Variants in ZCCHC24 observed in about 807,000 individuals in gnomAD.
ZCCHC24 encodes the protein zinc finger CCHC-type containing 24.
A neutral mutation model predicts 26.2 loss-of-function variants in ZCCHC24; 10 were observed. That is an observed-to-expected ratio of 0.38 (90% confidence interval 0.24 to 0.65). The LOEUF is 0.65. Among genes scored for constraint, ZCCHC24 ranks in the 30% least tolerant of loss-of-function variants. ZCCHC24 has a pLI of 0.54. For synonymous variants in ZCCHC24, 144 were observed against 147.1 expected (o/e 0.98, Z 0.15); for missense variants, 243 against 329.1 (o/e 0.74, Z 2.03).
intron 2 of ZCCHC24, among the ~76,000 whole-genome samples, chr10:79,424,698 T>C (rs1362782273): frequency 6.6e-6 from 1 of 152,114 alleles, no homozygotes; most frequent in African/African-American, 2.4e-5. Context: ...CCAGATAAAG[T>C]CCAAGTTTGC....
chr10:79,417,935 T>C (rs1856887021), intron 2 of ZCCHC24, among the ~76,000 whole-genome samples: 1 of 152,188 alleles, frequency 6.6e-6, no homozygotes, highest in Non-Finnish European at 1.5e-5. Context: ...GGCTGGGATC[T>C]GGCCACCTTG....
chr10:79,404,440 G>C (rs1374300480), intron 2 of ZCCHC24, among the ~76,000 whole-genome samples: 1 of 152,192 alleles, frequency 6.6e-6, no homozygotes, highest in Non-Finnish European at 1.5e-5. Flanking sequence ...CCGGTCCAGA[G>C]GGGTGGAAAG....
intron 2 of ZCCHC24, among the ~76,000 whole-genome samples, chr10:79,423,587 A>T (rs1410276492): frequency 8.9e-6 from 1 of 112,766 alleles, no homozygotes; most frequent in Admixed American, 9.8e-5. Flanking sequence ...TATACTATAT[A>T]TATATATATA....
intron 2 of ZCCHC24, among the ~76,000 whole-genome samples, chr10:79,423,324 G>A (rs1307852364): frequency 6.6e-6 from 1 of 151,926 alleles, no homozygotes; most frequent in Admixed American, 6.6e-5. Context: ...TCCGAGGCAG[G>A]CAGATCTCTT....
At position 79,415,977 on chromosome 10, in the gene ZCCHC24, CAG is replaced by C. The variant is rs370019701; in HGVS notation, c.447+16579_447+16580del. Among the ~76,000 whole-genome samples, 1,202 of 152,296 alleles carry C rather than the reference CAG, an allele frequency of 7.9e-3. 8 individuals are homozygous for C. The highest frequency in any genetic ancestry group is 0.027 in the African/African-American group (1,133 of 41,554). Reference sequence around the variant, plus strand: ...GTGATGGGGGAAGCTTGTGAAAATGCAGACTCTGACCCAGCAGGACTGGGGTG... The same window carrying C: ...GTGATGGGGGAAGCTTGTGAAAATGCACTCTGACCCAGCAGGACTGGGGTG... On this transcript the variant is annotated intron_variant, in intron 2 of 3. Transcript: ENST00000372336.
intron 2 of ZCCHC24, among the ~76,000 whole-genome samples, chr10:79,413,634 A>G (rs1003800365): frequency 2.0e-5 from 3 of 152,192 alleles, no homozygotes; most frequent in African/African-American, 7.2e-5. Context: ...ACTAGCTGGA[A>G]AGGACCATGC....
intron 2 of ZCCHC24, among the ~76,000 whole-genome samples, chr10:79,414,746 T>C (rs529229833): frequency 7.8e-4 from 119 of 152,220 alleles, no homozygotes; most frequent in Middle Eastern, 3.2e-3. Context: ...GCTAGGAATA[T>C]GCCCTTGGCC....
At chr10:79,396,208 T>C (rs1215864563) in intron 2 of ZCCHC24, among the ~76,000 whole-genome samples, 2 of 152,282 alleles carry the variant, frequency 1.3e-5, no homozygotes, top group Non-Finnish European at 2.9e-5. Context: ...TGCCAAATAA[T>C]ATTCCACTGT....
At chr10:79,430,686 C>CCACA (rs71030975) in intron 2 of ZCCHC24, among the ~76,000 whole-genome samples, 1,915 of 140,680 alleles carry the variant, frequency 0.014, 49 homozygotes, top group African/African-American at 0.044. Flanking sequence ...CACACACACA[C>CCACA]CACACACACA....
chr10:79,403,695 G>T, intron 2 of ZCCHC24: 1 of 779,880 alleles, frequency 1.3e-6, no homozygotes, highest in Non-Finnish European at 1.6e-6. Flanking sequence ...GGTTCCTGCT[G>T]CAGCCCAGCA....
At chr10:79,434,280 G>C (rs1035838585) in intron 1 of ZCCHC24, among the ~76,000 whole-genome samples, 1 of 152,146 alleles carries the variant, frequency 6.6e-6, no homozygotes, top group Admixed American at 6.5e-5. Flanking sequence ...TCACTGCCTG[G>C]CCCGACCACC....
chr10:79,432,699 G>A lies in ZCCHC24; in HGVS notation c.306C>T (p.Ala102=), dbSNP rs199510562. ...GCTCGGTGAGGGAGCTGAGGCCATC[G>A]GCGATGTTGTTGAGGGAGCCATAGG... ...ASPYGSLNNI[A]DGLSSLTEHF... is the part of the protein sequence containing the mutation. Residue 102 remains alanine (A), a synonymous_variant, in exon 2 of 4, where the codon GCC becomes GCT. Coordinates refer to ENST00000372336, the MANE Select transcript of ZCCHC24 (RefSeq NM_153367.4). 29 of 1,608,952 alleles carry A rather than the reference G, an allele frequency of 1.8e-5. No homozygotes were observed. The highest frequency in any genetic ancestry group is 4.0e-5 in the African/African-American group (3 of 74,624).
chr10:79,412,801 C>T (rs753423729), intron 2 of ZCCHC24, among the ~76,000 whole-genome samples: 20 of 152,338 alleles, frequency 1.3e-4, no homozygotes, highest in Admixed American at 9.1e-4. Flanking sequence ...TTCTGAAATG[C>T]TCTGAGCCTT....
intron 2 of ZCCHC24, among the ~76,000 whole-genome samples, chr10:79,397,679 T>C (rs746132977): frequency 3.9e-5 from 6 of 152,128 alleles, no homozygotes; most frequent in Admixed American, 2.0e-4. Context: ...AGGTGGGAAC[T>C]TGGGGACTCT....
chr10:79,396,162 T>C (rs763424397), intron 2 of ZCCHC24, among the ~76,000 whole-genome samples: 1 of 152,258 alleles, frequency 6.6e-6, no homozygotes, highest in South Asian at 2.1e-4. Flanking sequence ...GGTTTGTTCA[T>C]GCTACAGCAT....
At chr10:79,430,872 G>T (rs1254169081) in intron 2 of ZCCHC24, among the ~76,000 whole-genome samples, 1 of 152,164 alleles carries the variant, frequency 6.6e-6, no homozygotes, top group African/African-American at 2.4e-5. Context: ...CAGAGCCCCT[G>T]TTGATGTCTG....
chr10:79,433,985 G>GCCA (rs1445882297), intron 1 of ZCCHC24, among the ~76,000 whole-genome samples: 2 of 152,346 alleles, frequency 1.3e-5, no homozygotes, highest in Non-Finnish European at 2.9e-5. Flanking sequence ...ATGTGTCCCA[G>GCCA]CCACCCAACT....
At chr10:79,435,102 A>C (rs1231561371) in intron 1 of ZCCHC24, among the ~76,000 whole-genome samples, 2 of 152,184 alleles carry the variant, frequency 1.3e-5, no homozygotes, top group Non-Finnish European at 2.9e-5. Context: ...TCCAAACAAG[A>C]AACTTGAAGC....
intron 2 of ZCCHC24, among the ~76,000 whole-genome samples, chr10:79,427,211 T>G (rs1303896575): frequency 6.6e-6 from 1 of 152,192 alleles, no homozygotes; most frequent in East Asian, 1.9e-4. Flanking sequence ...ACTGACAGAA[T>G]TGAAGAAAGA....
Sources: gnomAD v4.1 joint callset for allele counts (sites outside exome capture counted in the v4.1 genomes callset) on GRCh38, gnomAD v4.1.1 for gene constraint, MANE v1.5 for transcripts, NCBI Gene and HGNC (gene_info 2026-07-23, HGNC 2026-07-21) for gene names.